GREM2: variants seen among roughly 807,000 people sequenced by gnomAD.
The protein encoded by GREM2 is gremlin 2, DAN family BMP antagonist.
Under a neutral mutation model 14.2 loss-of-function variants are expected in GREM2, and 11 were observed. That is an observed-to-expected ratio of 0.78 (90% CI 0.49 to 1.28). The LOEUF (loss-of-function observed/expected upper bound fraction) is 1.28, where lower values mean the gene tolerates loss of function less well. GREM2 is among the 50% of genes most tolerant of loss of function. The pLI, the probability that GREM2 is intolerant of heterozygous loss-of-function variation, is 0.00. For synonymous variants in GREM2, 98 were observed against 97.6 expected (o/e 1.00, Z -0.02); for missense variants, 210 against 218.5 (o/e 0.96, Z 0.24).
chr1:240,504,420 A>G (rs1677637363), intron 1 of GREM2, among the ~76,000 whole-genome samples: 1 of 152,204 alleles, frequency 6.6e-6, no homozygotes, highest in East Asian at 1.9e-4. Context: ...GGGTAGTTTT[A>G]GGGGAATCAA....
chr1:240,532,657 A>G (rs1364920168), intron 1 of GREM2, among the ~76,000 whole-genome samples: 1 of 81,718 alleles, frequency 1.2e-5, no homozygotes, highest in South Asian at 3.7e-4. Flanking sequence ...AGATAGATAG[A>G]TAGATAGATA....
chr1:240,582,605 G>A (rs559137328), intron 1 of GREM2, among the ~76,000 whole-genome samples: 3 of 152,116 alleles, frequency 2.0e-5, no homozygotes, highest in African/African-American at 4.8e-5. Context: ...AGACCAGCCT[G>A]TCCAACATGG....
rs1010078642 is a variant in GREM2 at position 240,542,547 on chromosome 1, G to A, written c.-1-49071C>T. On this transcript the variant is annotated intron_variant, in intron 1 of 1. Transcript: ENST00000318160. This position sits in a 1 kb window ranked among gnomAD's most constrained non-coding sequence, Gnocchi z 4.1. ...GGAGAATCGCTTGAACCCAGGAGGCGGAGGTTGCAGTGAGCCAAGATTGTG... is the reference window on the plus strand; with the variant it reads ...GGAGAATCGCTTGAACCCAGGAGGCAGAGGTTGCAGTGAGCCAAGATTGTG... Among the ~76,000 whole-genome samples, 19 of 151,980 alleles carry A rather than the reference G, an allele frequency of 1.3e-4. No individual in the cohort carries two copies. The highest frequency in any genetic ancestry group is 3.4e-3 in the Middle Eastern group (1 of 292).
At chr1:240,506,205 T>C (rs1365604429) in intron 1 of GREM2, among the ~76,000 whole-genome samples, 1 of 152,192 alleles carries the variant, frequency 6.6e-6, no homozygotes, top group East Asian at 1.9e-4. Flanking sequence ...CTCTTTGATA[T>C]GTAAAAATTT....
intron 1 of GREM2, among the ~76,000 whole-genome samples, chr1:240,578,014 G>T (rs1002211310): frequency 6.6e-6 from 1 of 152,128 alleles, no homozygotes; most frequent in Non-Finnish European, 1.5e-5. Context: ...AAGGTGGGTC[G>T]CTGGGCTGTT....
intron 1 of GREM2, among the ~76,000 whole-genome samples, chr1:240,502,466 TC>T (rs781443753): frequency 6.6e-6 from 1 of 152,184 alleles, no homozygotes; most frequent in Non-Finnish European, 1.5e-5. Context: ...AAGAATTTTT[TC>T]CATAACCCTG....
intron 1 of GREM2, among the ~76,000 whole-genome samples, chr1:240,580,730 A>T (rs1679467610): frequency 6.6e-6 from 1 of 152,012 alleles, no homozygotes; most frequent in Non-Finnish European, 1.5e-5. Context: ...GGGCCACCAC[A>T]CCCAATTATA....
intron 1 of GREM2, among the ~76,000 whole-genome samples, chr1:240,533,579 G>A (rs2153290): frequency 0.49 from 73,956 of 151,578 alleles, 18,488 homozygotes; most frequent in Non-Finnish European, 0.55. Context: ...GGGACAAGGG[G>A]AGTAGGTGGC....
chr1:240,553,090 G>A (rs925446045), intron 1 of GREM2, among the ~76,000 whole-genome samples: 1 of 152,166 alleles, frequency 6.6e-6, no homozygotes, highest in African/African-American at 2.4e-5. Flanking sequence ...TTTGATCAGG[G>A]ACATCAGAAT....
At chr1:240,579,413 T>C (rs1679437435) in intron 1 of GREM2, among the ~76,000 whole-genome samples, 1 of 152,224 alleles carries the variant, frequency 6.6e-6, no homozygotes, top group South Asian at 2.1e-4. Flanking sequence ...TCAGTCTTAC[T>C]CTCTGCTTCT....
rs1401690572 is a variant in GREM2, at chr1:240,611,983, TAA to T, written c.-103_-102del. 1 of 152,822 alleles carries T rather than the reference TAA, an allele frequency of 6.5e-6. No individual in the cohort carries two copies. The highest frequency in any genetic ancestry group is 1.5e-5 in the Non-Finnish European group (1 of 68,188). The allele number at this position is 152,822 out of a possible 1,614,324, so 9.5% of individuals were successfully genotyped here. A position where few individuals can be genotyped will look rare whatever the true frequency, so the allele number is the denominator to read the frequency against. ...GAGTTCTCTAGTCCACAGCGGGGTCTAAGTTTGGTCTCCCGCCGCCGCTTTCA... is the reference window on the plus strand; with the variant it reads ...GAGTTCTCTAGTCCACAGCGGGGTCTGTTTGGTCTCCCGCCGCCGCTTTCA... On this transcript the variant is annotated 5_prime_UTR_variant, in exon 1 of 2. The change abolishes the stop of an existing upstream ORF in the 5' untranslated region. Transcript: ENST00000318160.
At chr1:240,598,692 A>C (rs2102869115) in intron 1 of GREM2, among the ~76,000 whole-genome samples, 1 of 152,282 alleles carries the variant, frequency 6.6e-6, no homozygotes, top group South Asian at 2.1e-4. Context: ...TGTGAACTGA[A>C]GTGGAGTAGG....
chr1:240,506,534 C>T (rs2103283872), intron 1 of GREM2, among the ~76,000 whole-genome samples: 1 of 152,082 alleles, frequency 6.6e-6, no homozygotes, highest in Non-Finnish European at 1.5e-5. Flanking sequence ...TAATCAGAAA[C>T]AATCAATCAG....
At chr1:240,525,685 G>C (rs1678205132) in intron 1 of GREM2, among the ~76,000 whole-genome samples, 1 of 151,986 alleles carries the variant, frequency 6.6e-6, no homozygotes, top group African/African-American at 2.4e-5. Flanking sequence ...CACCATGTTG[G>C]CCAGGTTCAT....
chr1:240,566,753 A>G (rs1373245678), intron 1 of GREM2, among the ~76,000 whole-genome samples: 4 of 152,206 alleles, frequency 2.6e-5, no homozygotes, highest in African/African-American at 7.2e-5. Context: ...CAGGATTACA[A>G]AAATATCCAG....
intron 1 of GREM2, among the ~76,000 whole-genome samples, chr1:240,558,443 C>T (rs1021674123): frequency 1.2e-4 from 18 of 151,670 alleles, no homozygotes; most frequent in African/African-American, 4.1e-4. Context: ...GCATATATGA[C>T]ATTGAAATTA....
In GREM2 at chr1:240,531,644, G is replaced by A. The variant is rs911657760; in HGVS notation, c.-1-38168C>T. On this transcript the variant is annotated intron_variant, in intron 1 of 1. Coordinates refer to ENST00000318160, the MANE Select transcript of GREM2 (RefSeq NM_022469.4). Reference sequence around the variant, plus strand: ...CTGCTCTGCCCATTACCTGCAAGGCGTCTGCCTGCTCCCTGACGTGGACTC... The same window carrying A: ...CTGCTCTGCCCATTACCTGCAAGGCATCTGCCTGCTCCCTGACGTGGACTC... 29 of 985,196 alleles carry A rather than the reference G, an allele frequency of 2.9e-5. No individual in the cohort carries two copies. The Admixed American group carries it at 3.1e-4, about 10-fold the overall frequency. 61.0% of individuals were successfully genotyped at this position (985,196 alleles called of 1,614,324 possible). A position where few individuals can be genotyped will look rare whatever the true frequency, so the allele number is the denominator to read the frequency against.
At chr1:240,552,309 G>A (rs746321079) in intron 1 of GREM2, among the ~76,000 whole-genome samples, 41 of 152,160 alleles carry the variant, frequency 2.7e-4, no homozygotes, top group African/African-American at 7.5e-4. Context: ...GGCTGGGCAC[G>A]GAGGCTTGTG....
intron 1 of GREM2, among the ~76,000 whole-genome samples, chr1:240,565,846 CAA>C (rs57078582): frequency 5.3e-5 from 5 of 94,128 alleles, no homozygotes; most frequent in Non-Finnish European, 1.2e-4. Context: ...ACTCTGTCTC[CAA>C]AAAAAAAAAA....
Sources: gnomAD v4.1 joint callset for allele counts (sites outside exome capture counted in the v4.1 genomes callset) on GRCh38, gnomAD v4.1.1 for gene constraint, Gnocchi (gnomAD v3.1) non-coding constraint, MANE v1.5 for transcripts, NCBI Gene and HGNC (gene_info 2026-07-23, HGNC 2026-07-21) for gene names.